Variants in NOC3L observed in about 807,000 individuals in gnomAD.
NOC3L encodes nucleolar complex protein 3 homolog.
NOC3L carries 85 observed loss-of-function variants against 102.5 expected under a neutral mutation model. The ratio of observed to expected loss-of-function variants is 0.83; its 90% CI spans 0.70 to 0.99. NOC3L has a LOEUF of 0.99. Among genes scored for constraint, NOC3L ranks in the 50% least tolerant of loss-of-function variants. The probability of loss-of-function intolerance (pLI) is 0.00; values close to 1 mark genes in which losing one functional copy is unlikely to be tolerated. For missense variants in NOC3L, 878 were observed against 914.9 expected, an observed-to-expected ratio of 0.96 and a Z score of 0.52; for synonymous variants, 303 against 309.4, an observed-to-expected ratio of 0.98 and a Z score of 0.22.
downstream of NOC3L, chr10:94,332,657 G>A (rs1008662231): frequency 6.6e-6 from 1 of 152,090 alleles, no homozygotes; most frequent in Non-Finnish European, 1.5e-5. Flanking sequence ...GTCCCACTGT[G>A]ATTCTCCATA....
intron 14 of NOC3L, among the ~76,000 whole-genome samples, chr10:94,340,712 T>A (rs994831818): frequency 1.3e-5 from 2 of 151,762 alleles, no homozygotes; most frequent in African/African-American, 2.4e-5. Context: ...CCGGGCGCGG[T>A]GGCTCACGCC....
chr10:94,340,461 C>A lies in NOC3L; in HGVS notation c.1680G>T (p.Gln560His). 7 of 1,569,920 alleles carry A rather than the reference C, an allele frequency of 4.5e-6. No individual in the cohort carries two copies. The highest frequency in any genetic ancestry group is 1.1e-5 in the South Asian group (1 of 90,156). ...LSYQESLHCV[Q>H]TAFHILSGQG... Reference sequence around the variant, plus strand: ...GTCCAGAAAGAATATGAAAAGCAGTCTGGACACAGTGAAGACTTTCTTGAT... The same window carrying A: ...GTCCAGAAAGAATATGAAAAGCAGTATGGACACAGTGAAGACTTTCTTGAT... Residue 560 changes from glutamine to histidine, a missense_variant, in exon 15 of 21, where the codon CAG (glutamine) becomes CAT (histidine). Coordinates refer to ENST00000371361, the MANE Select transcript of NOC3L (RefSeq NM_022451.11).
At chr10:94,322,160 A>AAC in the NOC3L span, 2 of 1,106,920 alleles carry the variant, frequency 1.8e-6, no homozygotes, top group South Asian at 2.6e-5. Flanking sequence ...GAAGTTCCTC[A>AAC]ACAACAGGGA....
rs2133980614 is a variant in NOC3L at position 94,334,255 on chromosome 10, T to G, written c.2325A>C (p.Leu775=). The G allele has an allele frequency of 1.2e-6, 2 of 1,611,418 alleles. No homozygotes were observed. The highest frequency in any genetic ancestry group is 4.5e-5 in the East Asian group (2 of 44,860). ...DSFLNEDLNQ[L]IKRYSSEVAT... is the part of the protein sequence containing the mutation. ...CAACTTCACTGGAGTATCTTTTGAT[T>G]AGCTGATTTAAATCTTCATTCAAAA... The change falls in exon 21 of 21, where the codon CTA becomes CTC. Residue 775 remains leucine (L), a synonymous_variant. Coordinates refer to ENST00000371361, the MANE Select transcript of NOC3L (RefSeq NM_022451.11).
chr10:94,351,348 G>A (rs544758032), intron 8 of NOC3L, among the ~76,000 whole-genome samples: 2 of 151,312 alleles, frequency 1.3e-5, no homozygotes, highest in South Asian at 4.2e-4. Context: ...CTGGGTAAAT[G>A]AGCCAATTAG....
At position 94,356,703 on chromosome 10, in the gene NOC3L, G is replaced by A; in HGVS notation, c.509-112C>T. The A allele has an allele frequency of 4.3e-6, 3 of 693,120 alleles. No homozygotes were observed. In the South Asian group the frequency reaches 5.2e-5, roughly 12 times the overall value. 42.9% of individuals were successfully genotyped at this position (693,120 alleles called of 1,614,324 possible). A position where few individuals can be genotyped will look rare whatever the true frequency, so the allele number is the denominator to read the frequency against. On this transcript the variant is annotated intron_variant, in intron 4 of 20. Transcript: ENST00000371361. ...AACTCAGGATAGCAGTTACTTTTAT[G>A]GGAAGAGCACAATTAGTGATTGAGG...
the NOC3L span, among the ~76,000 whole-genome samples, chr10:94,320,862 A>T: frequency 3.9e-5 from 6 of 152,334 alleles, no homozygotes; most frequent in African/African-American, 1.4e-4. Flanking sequence ...ACATTTGAAC[A>T]TCCACAGCAA....
chr10:94,324,924 T>C, the NOC3L span: 1 of 1,614,210 alleles, frequency 6.2e-7, no homozygotes, highest in East Asian at 2.2e-5. Context: ...AAGGCATTTC[T>C]TTCGCAAGTG....
the NOC3L span, among the ~76,000 whole-genome samples, chr10:94,322,420 G>A: frequency 6.6e-6 from 1 of 152,046 alleles, no homozygotes; most frequent in South Asian, 2.1e-4. Context: ...GGAGGCTGAG[G>A]GGGGCAGATC....
At chr10:94,343,856 A>T (rs2054313569) in intron 13 of NOC3L, among the ~76,000 whole-genome samples, 1 of 152,208 alleles carries the variant, frequency 6.6e-6, no homozygotes, top group Admixed American at 6.5e-5. Flanking sequence ...AGAAAATTTT[A>T]AATTATATAT....
intron 10 of NOC3L, among the ~76,000 whole-genome samples, chr10:94,348,658 A>T (rs1244092599): frequency 6.6e-6 from 1 of 152,140 alleles, no homozygotes; most frequent in African/African-American, 2.4e-5. Flanking sequence ...TTAAATAGTA[A>T]CATTCTGAGC....
chr10:94,319,177 C>CTGA, the NOC3L span, among the ~76,000 whole-genome samples: 7 of 152,156 alleles, frequency 4.6e-5, no homozygotes, highest in African/African-American at 1.7e-4. Flanking sequence ...CAAGATTTTT[C>CTGA]TGATAAGTAA....
At chr10:94,327,254 A>C in the NOC3L span, among the ~76,000 whole-genome samples, 1 of 152,134 alleles carries the variant, frequency 6.6e-6, no homozygotes, top group South Asian at 2.1e-4. Context: ...TGGTCTTTTC[A>C]AGAAAGAGCA....
chr10:94,320,097 GATT>G, the NOC3L span, among the ~76,000 whole-genome samples: 2 of 151,996 alleles, frequency 1.3e-5, no homozygotes, highest in African/African-American at 4.8e-5. Context: ...GGGGGACAAA[GATT>G]ATAAATTATG....
chr10:94,324,360 A>T, the NOC3L span: 1 of 1,614,050 alleles, frequency 6.2e-7, no homozygotes, highest in Admixed American at 1.7e-5. Flanking sequence ...CCTTATGCAA[A>T]GCCAAATATT....
At chr10:94,321,760 G>A in the NOC3L span, 2 of 653,440 alleles carry the variant, frequency 3.1e-6, no homozygotes, top group African/African-American at 1.8e-5. Context: ...AACAGTTTAT[G>A]AAATAATAAC....
intron 10 of NOC3L, among the ~76,000 whole-genome samples, chr10:94,347,405 G>A (rs77083890): frequency 2.0e-5 from 3 of 152,076 alleles, no homozygotes; most frequent in African/African-American, 4.8e-5. Context: ...ACCTACCAAC[G>A]AAAAATAACT....
At chr10:94,321,461 G>A in the NOC3L span, among the ~76,000 whole-genome samples, 2 of 152,048 alleles carry the variant, frequency 1.3e-5, no homozygotes, top group African/African-American at 4.8e-5. Context: ...GCGAAACCCT[G>A]TCTCTATTAA....
the NOC3L span, among the ~76,000 whole-genome samples, chr10:94,319,698 G>T: frequency 1.3e-5 from 2 of 152,124 alleles, no homozygotes; most frequent in Admixed American, 1.3e-4. Context: ...TCAAAGAAAT[G>T]ATCATGAGAC....
Sources: allele counts gnomAD v4.1 joint callset (sites outside exome capture counted in the v4.1 genomes callset), GRCh38; gene constraint gnomAD v4.1.1; transcripts MANE v1.5; gene names NCBI Gene and HGNC (gene_info 2026-07-23, HGNC 2026-07-21).